Variants in CCDC7 observed in about 807,000 individuals in gnomAD.
CCDC7 encodes the protein coiled-coil domain containing 7, also known as coiled-coil domain-containing protein 7.
CCDC7 carries 183 observed loss-of-function variants against 196.9 expected under a neutral mutation model. The ratio of observed to expected loss-of-function variants is 0.93; its 90% CI spans 0.82 to 1.05. The LOEUF (loss-of-function observed/expected upper bound fraction) is 1.05. Ranked by LOEUF, CCDC7 falls within the 50% of genes least tolerant of loss-of-function variation. The pLI is 0.00. For missense variants in CCDC7, 1,540 were observed against 1,482.2 expected, an observed-to-expected ratio of 1.04 and a Z score of -0.64; for synonymous variants, 525 against 484.6, an observed-to-expected ratio of 1.08 and a Z score of -1.10.
intron 8 of CCDC7, among the ~76,000 whole-genome samples, chr10:32,484,664 A>T (rs969085118): frequency 6.6e-6 from 1 of 152,158 alleles, no homozygotes; most frequent in African/African-American, 2.4e-5. Flanking sequence ...ATTTTGAGAT[A>T]TGTCCCATCA....
intron 18 of CCDC7, among the ~76,000 whole-genome samples, chr10:32,610,138 T>C (rs1301353679): frequency 6.6e-6 from 1 of 152,164 alleles, no homozygotes; most frequent in Non-Finnish European, 1.5e-5. Context: ...GGAGTCTTGC[T>C]CTGTCACCCA....
intron 18 of CCDC7, among the ~76,000 whole-genome samples, chr10:32,616,095 T>C (rs1219943465): frequency 6.6e-6 from 1 of 152,130 alleles, no homozygotes; most frequent in African/African-American, 2.4e-5. Flanking sequence ...GGTAATGTGA[T>C]GCCTCCAGCT....
chr10:32,816,363 C>G (rs1043744114), intron 31 of CCDC7, among the ~76,000 whole-genome samples: 1 of 152,158 alleles, frequency 6.6e-6, no homozygotes, highest in Non-Finnish European at 1.5e-5. Context: ...TGGAGCCCAC[C>G]GCAGCTCAAG....
intron 20 of CCDC7, among the ~76,000 whole-genome samples, chr10:32,660,664 T>C (rs1393106197): frequency 2.0e-5 from 3 of 151,926 alleles, no homozygotes; most frequent in African/African-American, 4.8e-5. Context: ...CTGGGTCAAA[T>C]GGTATTTCCA....
intron 18 of CCDC7, among the ~76,000 whole-genome samples, chr10:32,624,113 A>G (rs2063711331): frequency 6.6e-6 from 1 of 152,138 alleles, no homozygotes; most frequent in Non-Finnish European, 1.5e-5. Context: ...TATTCAATGC[A>G]CTAGAACATT....
At chr10:32,872,221 T>C (rs2094454991) in intron 41 of CCDC7, among the ~76,000 whole-genome samples, 1 of 152,066 alleles carries the variant, frequency 6.6e-6, no homozygotes, top group African/African-American at 2.4e-5. Flanking sequence ...AAGTCTCCCA[T>C]TGTTATTGTG....
At chr10:32,726,952 G>A in intron 26 of CCDC7, 120 bp downstream of exon 27, 1 of 621,396 alleles carries the variant, frequency 1.6e-6, no homozygotes, top group Non-Finnish European at 2.6e-6. Context: ...CGTAGACTTT[G>A]CCCTGAAGTC....
chr10:32,658,262 C>A (rs1228280112), intron 20 of CCDC7, among the ~76,000 whole-genome samples: 2 of 152,204 alleles, frequency 1.3e-5, no homozygotes, highest in Non-Finnish European at 2.9e-5. Flanking sequence ...TCTCAAACTG[C>A]TATGAAGAAA....
chr10:32,730,071 G>T (rs1040974130), intron 28 of CCDC7, among the ~76,000 whole-genome samples: 3 of 152,054 alleles, frequency 2.0e-5, no homozygotes, highest in African/African-American at 7.2e-5. Context: ...TGCCATTGTG[G>T]TTTGCTGCAC....
intron 23 of CCDC7, among the ~76,000 whole-genome samples, chr10:32,693,211 T>A (rs567549899): frequency 6.6e-6 from 1 of 152,338 alleles, no homozygotes; most frequent in South Asian, 2.1e-4. Context: ...TAATTTTGTT[T>A]TTGAAATTGT....
chr10:32,742,117 A>G (rs1206699598), intron 28 of CCDC7, among the ~76,000 whole-genome samples: 1 of 152,192 alleles, frequency 6.6e-6, no homozygotes, highest in African/African-American at 2.4e-5. Flanking sequence ...TAGAATTTAG[A>G]TGCATTTATA....
At chr10:32,668,299 A>G (rs935713539) in intron 21 of CCDC7, among the ~76,000 whole-genome samples, 9 of 152,286 alleles carry the variant, frequency 5.9e-5, no homozygotes, top group Admixed American at 1.3e-4. Flanking sequence ...TAGATATACA[A>G]TCATGTCATC....
At chr10:32,695,139 C>T (rs150325666) in intron 24 of CCDC7, 147 bp downstream of exon 25, 92 of 400,510 alleles carry the variant, frequency 2.3e-4, no homozygotes, top group African/African-American at 1.6e-3. Flanking sequence ...AACTAGAGAA[C>T]AAAAGCCATA....
intron 13 of CCDC7, 25 bp from the exon 15 acceptor site, chr10:32,565,533 T>A (rs1479335192): frequency 1.3e-6 from 2 of 1,597,280 alleles, no homozygotes; most frequent in Admixed American, 1.8e-5. Flanking sequence ...AGTAAATACC[T>A]TTTTTCCCCC....
chr10:32,800,548 C>G (rs910439145), intron 29 of CCDC7, among the ~76,000 whole-genome samples: 1 of 152,096 alleles, frequency 6.6e-6, no homozygotes, highest in African/African-American at 2.4e-5. Flanking sequence ...TTTGAGTCCC[C>G]CGGAATCAAT....
At chr10:32,851,586 T>C (rs1272628319) in intron 39 of CCDC7, among the ~76,000 whole-genome samples, 3 of 152,182 alleles carry the variant, frequency 2.0e-5, no homozygotes. Context: ...TGTAGTTCAA[T>C]TCCAGTGTTT....
chr10:32,704,663 C>T (rs182792084), intron 24 of CCDC7, among the ~76,000 whole-genome samples: 98 of 152,226 alleles, frequency 6.4e-4, no homozygotes, highest in Middle Eastern at 6.8e-3. Flanking sequence ...CCACCCAGTT[C>T]GAACATCCCA....
At chr10:32,756,458 T>A (rs1262638395) in intron 28 of CCDC7, among the ~76,000 whole-genome samples, 2 of 151,964 alleles carry the variant, frequency 1.3e-5, no homozygotes, top group African/African-American at 4.8e-5. Context: ...ATATTCAACA[T>A]TCTTAAAGAA....
At chr10:32,500,213 G>A (rs1029149422) in intron 9 of CCDC7, among the ~76,000 whole-genome samples, 14 of 151,764 alleles carry the variant, frequency 9.2e-5, no homozygotes, top group South Asian at 2.1e-4. Flanking sequence ...CGGATGGGGC[G>A]GCCGGCCTGG....
Sources: gnomAD v4.1 joint callset for allele counts (sites outside exome capture counted in the v4.1 genomes callset) on GRCh38, gnomAD v4.1.1 for gene constraint, MANE v1.5 for transcripts, NCBI Gene and HGNC (gene_info 2026-07-23, HGNC 2026-07-21) for gene names.